The following KCNK5 variants were observed in gnomAD, a reference collection of about 807,000 sequenced individuals.
KCNK5 encodes the protein potassium two pore domain channel subfamily K member 5.
In KCNK5, 18 loss-of-function variants were observed where a neutral mutation model predicts 32.9. The ratio of observed to expected loss-of-function variants is 0.55; its 90% CI spans 0.38 to 0.81. KCNK5 has a LOEUF of 0.81. KCNK5 is among the 30% of genes least tolerant of loss of function. The probability of loss-of-function intolerance (pLI) is 0.00; values close to 1 mark genes in which losing one functional copy is unlikely to be tolerated. For synonymous variants in KCNK5, 276 were observed against 275.3 expected (o/e 1.00, Z -0.03); for missense variants, 507 against 651.0 (o/e 0.78, Z 2.41).
At chr6:39,196,999 G>A (rs1333857504) in intron 1 of KCNK5, among the ~76,000 whole-genome samples, 1 of 152,234 alleles carries the variant, frequency 6.6e-6, no homozygotes, top group Non-Finnish European at 1.5e-5. Flanking sequence ...TATCTGTGGG[G>A]CTTTATCAGC....
intron 2 of KCNK5, among the ~76,000 whole-genome samples, chr6:39,195,675 A>G (rs987380787): frequency 2.6e-5 from 4 of 152,250 alleles, no homozygotes; most frequent in Non-Finnish European, 5.9e-5. Flanking sequence ...CAAAGAGCCC[A>G]GGTCAAGACT....
intron 1 of KCNK5, among the ~76,000 whole-genome samples, chr6:39,216,185 T>C (rs187052743): frequency 7.8e-4 from 119 of 152,298 alleles, no homozygotes; most frequent in African/African-American, 2.5e-3. Flanking sequence ...CTCAGGAGGC[T>C]GAAACTGGAG....
intron 1 of KCNK5, among the ~76,000 whole-genome samples, chr6:39,209,138 G>C (rs1771282028): frequency 1.3e-5 from 2 of 151,950 alleles, no homozygotes; most frequent in Admixed American, 6.5e-5. Context: ...CTAAAGTTCA[G>C]GCTCCCTGAC....
At position 39,189,554 on chromosome 6, in the gene KCNK5, A is replaced by C. The variant is rs1307710904; in HGVS notation, c.*1336T>G. 1.3e-5 allele frequency: 2 copies of C among 152,676 alleles called. No individual in the cohort carries two copies. Among genetic ancestry groups the C allele is most frequent in the Non-Finnish European group, 2.9e-5 (2 of 68,042 alleles). 9.5% of individuals were successfully genotyped at this position (152,676 alleles called of 1,614,324 possible). A position where few individuals can be genotyped will look rare whatever the true frequency, so the allele number is the denominator to read the frequency against. On this transcript the variant is annotated 3_prime_UTR_variant, in exon 5 of 5. Coordinates refer to ENST00000359534, the MANE Select transcript of KCNK5 (RefSeq NM_003740.4). ...GTATATAAAAACAGCAGTTTGTTTAAAAAATAAAACAAAAAATAACAAAAA... is the reference window on the plus strand; with the variant it reads ...GTATATAAAAACAGCAGTTTGTTTACAAAATAAAACAAAAAATAACAAAAA...
At position 39,228,906 on chromosome 6, in the gene KCNK5, G is replaced by C; in HGVS notation, c.186+20C>G. 5 of 1,613,250 alleles carry C rather than the reference G, an allele frequency of 3.1e-6. No homozygotes were observed. Among genetic ancestry groups the C allele is most frequent in the Non-Finnish European group, 4.2e-6 (5 of 1,179,434 alleles). ...TCAAGCCAGCTTCAGATGTATATGGGGGTACAGGCGGCGACTGACCTCTAG... is the reference window on the plus strand; with the variant it reads ...TCAAGCCAGCTTCAGATGTATATGGCGGTACAGGCGGCGACTGACCTCTAG... On this transcript the variant is annotated intron_variant, in intron 1 of 4. Coordinates refer to ENST00000359534, the MANE Select transcript of KCNK5 (RefSeq NM_003740.4).
intron 1 of KCNK5, among the ~76,000 whole-genome samples, chr6:39,213,036 T>A (rs1771369298): frequency 6.6e-6 from 1 of 152,212 alleles, no homozygotes; most frequent in South Asian, 2.1e-4. Context: ...CAAGACCCCC[T>A]GTGGATACCC....
intron 1 of KCNK5, among the ~76,000 whole-genome samples, chr6:39,218,615 C>A (rs549285005): frequency 9.2e-5 from 14 of 152,216 alleles, no homozygotes; most frequent in African/African-American, 3.4e-4. Flanking sequence ...AGAATGGGTC[C>A]GCAGAGACCC....
intron 1 of KCNK5, among the ~76,000 whole-genome samples, chr6:39,201,019 C>G (rs1379403861): frequency 6.6e-6 from 1 of 152,214 alleles, no homozygotes; most frequent in Non-Finnish European, 1.5e-5. Flanking sequence ...TCACAGCTAT[C>G]TGGCACCCAT....
At chr6:39,215,155 C>G (rs1562056510) in intron 1 of KCNK5, among the ~76,000 whole-genome samples, 1 of 152,158 alleles carries the variant, frequency 6.6e-6, no homozygotes, top group African/African-American at 2.4e-5. Flanking sequence ...AGGGCTGAGG[C>G]TAGAGTCTGG....
At chr6:39,196,052 T>C in intron 1 of KCNK5, 65 bp from the exon 2 acceptor site, 1 of 1,099,266 alleles carries the variant, frequency 9.1e-7, no homozygotes. Flanking sequence ...TTGACAGAAC[T>C]GCACTAAACT....
chr6:39,215,214 C>T (rs1771410615), intron 1 of KCNK5, among the ~76,000 whole-genome samples: 1 of 152,106 alleles, frequency 6.6e-6, no homozygotes, highest in Admixed American at 6.5e-5. Flanking sequence ...GGACACCCTC[C>T]CTTTTCCTGC....
chr6:39,199,196 G>C (rs1771085057), intron 1 of KCNK5, among the ~76,000 whole-genome samples: 1 of 152,216 alleles, frequency 6.6e-6, no homozygotes. Flanking sequence ...GGCCAAAAAT[G>C]CTCCCCCTGG....
chr6:39,216,835 A>G (rs1771446372), intron 1 of KCNK5, among the ~76,000 whole-genome samples: 1 of 152,004 alleles, frequency 6.6e-6, no homozygotes, highest in South Asian at 2.1e-4. Flanking sequence ...GTTGAAACTC[A>G]CTGCCGGGCG....
At position 39,191,088 on chromosome 6, in the gene KCNK5, G is replaced by C; in HGVS notation, c.1302C>G (p.Thr434=). The change falls in exon 5 of 5, where the codon ACC becomes ACG. Residue 434 remains threonine, a synonymous_variant. Transcript: ENST00000359534. This position sits in a 1 kb window ranked among gnomAD's most constrained non-coding sequence, Gnocchi z 5.8. ...NTEAGLSDEE[T]SKSSLEDNLA... The stretch of plus-strand genomic sequence containing the variant: ...AGTTGTCCTCTAGCGAGGACTTGGA[G>C]GTCTCCTCGTCTGAGAGGCCAGCCT... 1.2e-6 allele frequency: 2 copies of C among 1,614,100 alleles called. No individual in the cohort carries two copies. Among genetic ancestry groups the C allele is most frequent in the African/African-American group, 1.3e-5 (1 of 75,074 alleles).
intron 1 of KCNK5, among the ~76,000 whole-genome samples, chr6:39,218,109 C>T (rs1771472977): frequency 7.2e-6 from 1 of 139,386 alleles, no homozygotes; most frequent in Non-Finnish European, 1.5e-5. Context: ...CTAGCTTTGT[C>T]ACCCAAGCTG....
At chr6:39,193,856 A>C (rs1770983019) in intron 4 of KCNK5, among the ~76,000 whole-genome samples, 1 of 152,190 alleles carries the variant, frequency 6.6e-6, no homozygotes, top group Admixed American at 6.5e-5. Flanking sequence ...AGAAGGCCCT[A>C]CTTGCAAGTC....
chr6:39,222,284 G>A (rs972973854), intron 1 of KCNK5, among the ~76,000 whole-genome samples: 1 of 152,282 alleles, frequency 6.6e-6, no homozygotes, highest in Non-Finnish European at 1.5e-5. Context: ...GGGTTTTTCT[G>A]GGGGCTGTAG....
At chr6:39,224,761 C>G (rs1245321219) in intron 1 of KCNK5, among the ~76,000 whole-genome samples, 1 of 152,120 alleles carries the variant, frequency 6.6e-6, no homozygotes, top group African/African-American at 2.4e-5. Context: ...CCTGCTCCAC[C>G]CTCAGGAGAC....
Position 39,195,672 on chromosome 6 carries a change from C to T in KCNK5, c.298+204G>A, listed in dbSNP as rs1019244678. On this transcript the variant is annotated intron_variant, in intron 2 of 4. Transcript: ENST00000359534. ...TGTGTCATTGTTTCTGCTCAAAGAG[C>T]CCAGGTCAAGACTCAAGGAAACCTT... Among the ~76,000 whole-genome samples the T allele has an allele frequency of 9.8e-5, 15 of 152,306 alleles. 1 individual carries two copies. Among genetic ancestry groups the T allele is most frequent in the South Asian group, 4.1e-4 (2 of 4,822 alleles).
Sources: gnomAD v4.1 joint callset for allele counts (sites outside exome capture counted in the v4.1 genomes callset) on GRCh38, gnomAD v4.1.1 for gene constraint, Gnocchi (gnomAD v3.1) non-coding constraint, MANE v1.5 for transcripts, NCBI Gene and HGNC (gene_info 2026-07-23, HGNC 2026-07-21) for gene names.